Variants in HTR2C observed in about 807,000 individuals in gnomAD.
HTR2C encodes 5-hydroxytryptamine receptor 2C.
HTR2C carries 5 observed loss-of-function variants against 21.0 expected under a neutral mutation model. That is an observed-to-expected ratio of 0.24 (90% CI 0.12 to 0.50). HTR2C has a LOEUF of 0.50. Among genes scored for constraint, HTR2C ranks in the 20% least tolerant of loss-of-function variants. The pLI, the probability that HTR2C is intolerant of heterozygous loss-of-function variation, is 0.98. For missense variants in HTR2C, 271 were observed against 371.2 expected (o/e 0.73, Z 2.22); for synonymous variants, 150 against 145.3 (o/e 1.03, Z -0.23).
intron 4 of HTR2C, among the ~76,000 whole-genome samples, chrX:114,844,878 A>C (rs2070862130): frequency 8.9e-6 from 1 of 111,974 alleles, no homozygotes; most frequent in Non-Finnish European, 1.9e-5. Flanking sequence ...TGAAAAATAA[A>C]AGAATTAATG....
rs2070470338 is a variant in HTR2C at position 114,807,121 on chromosome X, CATATATACACCATATATATA to C, written c.350-40881_350-40862del. Reference sequence around the variant, plus strand: ...ATATATACACCATGTATATATATACCATATATACACCATATATATACCATATATACACCATATATATACCC... The same window carrying C: ...ATATATACACCATGTATATATATACCCCATATATACACCATATATATACCC... On this transcript the variant is annotated intron_variant, in intron 4 of 5. Transcript: ENST00000276198. 3.7e-4 allele frequency among the ~76,000 whole-genome samples: 4 copies of C among 10,678 alleles called. 1 individual carries two copies. The highest frequency in any genetic ancestry group is 1.0e-3 in the African/African-American group (4 of 3,957). 9.3% of individuals were successfully genotyped at this position (10,678 alleles called of 115,157 possible). A position where few individuals can be genotyped will look rare whatever the true frequency, so the allele number is the denominator to read the frequency against.
Position 114,644,386 on chromosome X carries a change from T to A in HTR2C, c.-80+30505T>A, listed in dbSNP as rs1346307312. Among the ~76,000 whole-genome samples the A allele has an allele frequency of 4.4e-3, 347 of 79,754 alleles. 9 individuals carry two copies. The highest frequency in any genetic ancestry group is 7.2e-3 in the Admixed American group (49 of 6,805). 69.3% of individuals were successfully genotyped at this position (79,754 alleles called of 115,157 possible). A position where few individuals can be genotyped will look rare whatever the true frequency, so the allele number is the denominator to read the frequency against. ...AAATATATATATATATATATATATA[T>A]ATATATATATATATATATATATTTC... On this transcript the variant is annotated intron_variant, in intron 2 of 5. Transcript: ENST00000276198.
chrX:114,781,775 A>G (rs782601844), intron 4 of HTR2C, among the ~76,000 whole-genome samples: 5 of 105,241 alleles, frequency 4.8e-5, no homozygotes, highest in African/African-American at 1.7e-4. Context: ...TGCTGAGATT[A>G]CAAGCGTGAG....
intron 5 of HTR2C, among the ~76,000 whole-genome samples, chrX:114,905,647 G>A (rs184744107): frequency 2.6e-4 from 29 of 111,635 alleles, no homozygotes; most frequent in Middle Eastern, 4.6e-3. Flanking sequence ...CCCAGGCTTC[G>A]ACTTCCTGTG....
At chrX:114,809,912 C>T (rs1330462226) in intron 4 of HTR2C, among the ~76,000 whole-genome samples, 2 of 111,508 alleles carry the variant, frequency 1.8e-5, no homozygotes, top group East Asian at 5.7e-4. Flanking sequence ...GGCTCTGAGT[C>T]TCACCCAAGG....
At chrX:114,610,412 A>G (rs782096941) in intron 1 of HTR2C, among the ~76,000 whole-genome samples, 2 of 112,177 alleles carry the variant, frequency 1.8e-5, no homozygotes, top group Non-Finnish European at 3.8e-5. Context: ...ATTTTATATT[A>G]TCTTTTCTCA....
intron 4 of HTR2C, among the ~76,000 whole-genome samples, chrX:114,752,997 T>C (rs2069776134): frequency 9.0e-6 from 1 of 111,036 alleles, no homozygotes. Flanking sequence ...TACAACCAAA[T>C]ACCCTTATAA....
At chrX:114,764,865 ATCTTTCTTTCTTTCTTTCTTTCTTTCTT>A (rs1234459517) in intron 4 of HTR2C, among the ~76,000 whole-genome samples, 26 of 45,298 alleles carry the variant, frequency 5.7e-4, no homozygotes, top group African/African-American at 1.5e-3. Flanking sequence ...CATGGAATCA[ATCTTTCTTTCTTTCTTTCTTTCTTTCTT>A]TCTTTCTTTC....
chrX:114,726,729 C>G, intron 2 of HTR2C, 129 bp from the exon 3 acceptor site: 1 of 354,820 alleles, frequency 2.8e-6, no homozygotes, highest in East Asian at 5.3e-5. Context: ...GTATAACATG[C>G]TTACCTGTTT....
chrX:114,633,991 G>T (rs886202615), intron 2 of HTR2C, among the ~76,000 whole-genome samples: 1 of 104,990 alleles, frequency 9.5e-6, no homozygotes, highest in African/African-American at 3.5e-5. Flanking sequence ...TAAAATTTTA[G>T]CTATTAGTCA....
chrX:114,760,409 C>T (rs959181527), intron 4 of HTR2C, among the ~76,000 whole-genome samples: 26 of 112,050 alleles, frequency 2.3e-4, no homozygotes, highest in African/African-American at 8.1e-4. Context: ...TCTTGAACTT[C>T]TGATTCTCTA....
At chrX:114,633,822 T>G (rs1169912542) in intron 2 of HTR2C, among the ~76,000 whole-genome samples, 1 of 108,934 alleles carries the variant, frequency 9.2e-6, no homozygotes, top group East Asian at 2.9e-4. Flanking sequence ...TATATATGTG[T>G]GTGTGTGTGC....
At chrX:114,875,868 A>G (rs1556478062) in intron 5 of HTR2C, among the ~76,000 whole-genome samples, 2 of 97,777 alleles carry the variant, frequency 2.0e-5, no homozygotes, top group African/African-American at 7.3e-5. Flanking sequence ...TTTTTTTTTC[A>G]CTTAATTCTG....
chrX:114,855,700 T>C (rs1366416478), intron 5 of HTR2C, among the ~76,000 whole-genome samples: 1 of 105,138 alleles, frequency 9.5e-6, no homozygotes, highest in Non-Finnish European at 2.0e-5. Flanking sequence ...CTAGTTAATC[T>C]TGCAACTCTA....
intron 4 of HTR2C, among the ~76,000 whole-genome samples, chrX:114,768,368 T>A (rs1556435948): frequency 9.0e-6 from 1 of 111,300 alleles, no homozygotes. Context: ...TACTATACAA[T>A]TTTAAGGTTA....
At chrX:114,782,716 TA>T (rs782184464) in intron 4 of HTR2C, among the ~76,000 whole-genome samples, 8 of 102,928 alleles carry the variant, frequency 7.8e-5, no homozygotes, top group East Asian at 3.0e-4. Context: ...AGACCCTGTA[TA>T]AAAAAAAAAG....
intron 2 of HTR2C, among the ~76,000 whole-genome samples, chrX:114,726,617 A>T: frequency 8.9e-6 from 1 of 112,617 alleles, no homozygotes. Flanking sequence ...GAAATTTGGT[A>T]TAAACCATGT....
At chrX:114,609,520 C>T (rs970170333) in intron 1 of HTR2C, among the ~76,000 whole-genome samples, 2 of 111,251 alleles carry the variant, frequency 1.8e-5, no homozygotes, top group African/African-American at 3.3e-5. Flanking sequence ...TGGTTGACCA[C>T]GTTCGGTTGG....
At chrX:114,813,514 G>A (rs1556453397) in intron 4 of HTR2C, among the ~76,000 whole-genome samples, 1 of 112,069 alleles carries the variant, frequency 8.9e-6, no homozygotes, top group East Asian at 2.8e-4. Flanking sequence ...TAATGTAGAG[G>A]AATCTGGAAC....
Sources: allele counts gnomAD v4.1 joint callset (sites outside exome capture counted in the v4.1 genomes callset), GRCh38; gene constraint gnomAD v4.1.1; transcripts MANE v1.5; gene names NCBI Gene and HGNC (gene_info 2026-07-23, HGNC 2026-07-21).